The following ANK1 variants were observed in gnomAD, a reference collection of about 807,000 sequenced individuals.
ANK1 encodes the protein ankyrin 1.
Under a neutral mutation model 210.4 loss-of-function variants are expected in ANK1, and 51 were observed. That is an observed-to-expected ratio of 0.24 (90% confidence interval 0.19 to 0.31). The LOEUF (loss-of-function observed/expected upper bound fraction) is 0.31, where lower values mean the gene tolerates loss of function less well. ANK1 is among the 10% of genes least tolerant of loss of function. The pLI is 1.00. For synonymous variants in ANK1, 967 were observed against 1,025.9 expected, an observed-to-expected ratio of 0.94 and a Z score of 1.10; for missense variants, 2,051 against 2,504.4, an observed-to-expected ratio of 0.82 and a Z score of 3.86.
intron 1 of ANK1, among the ~76,000 whole-genome samples, chr8:41,758,960 G>A (rs11989912): frequency 0.31 from 46,492 of 151,350 alleles, 7,301 homozygotes; most frequent in South Asian, 0.38. Flanking sequence ...CGAACTCCTG[G>A]GCTCAAGCAA....
chr8:41,679,755 G>A (rs547716508), intron 37 of ANK1, among the ~76,000 whole-genome samples: 2 of 150,662 alleles, frequency 1.3e-5, no homozygotes, highest in Non-Finnish European at 1.5e-5. Flanking sequence ...TAGTAGAGAC[G>A]GGGTTTCACC....
rs1827393249 is a variant in ANK1, at chr8:41,715,569, A to T, written c.1602+83T>A. On this transcript the variant is annotated intron_variant, in intron 14 of 42. Coordinates refer to ENST00000289734, the MANE Select transcript of ANK1 (RefSeq NM_000037.4). ...CAGCATCATTGAGGTGACAAAGAGA[A>T]CCAGGCAGGAATTCCCCTCCGAGCT... is the stretch of plus-strand genomic sequence containing the variant. The T allele has an allele frequency of 4.6e-6, 7 of 1,533,400 alleles. No individual in the cohort carries two copies. The South Asian group carries it at 8.1e-5, about 18-fold the overall frequency. 95.0% of individuals were successfully genotyped at this position (1,533,400 alleles called of 1,614,324 possible).
intron 2 of ANK1, among the ~76,000 whole-genome samples, chr8:41,740,277 C>T (rs1273678345): frequency 1.3e-5 from 2 of 151,804 alleles, no homozygotes; most frequent in Admixed American, 1.3e-4. Context: ...TCACCTGCCT[C>T]AACCTCCCAA....
chr8:41,824,860 A>G (rs1406428176), intron 1 of ANK1, among the ~76,000 whole-genome samples: 1 of 152,136 alleles, frequency 6.6e-6, no homozygotes, highest in East Asian at 1.9e-4. Context: ...GGGGGTGTGG[A>G]GGGCTGGCTG....
chr8:41,688,164 C>G lies in ANK1; in HGVS notation c.4250G>C (p.Ser1417Thr), dbSNP rs905878249. ...CCCAATTCCCCACTCACCTGCCCAG[C>G]TGAGACCGAGGTGCTCTGAGATAAC... ...MAVISEHLGL[S>T]WAELARELQF... Residue 1417 changes from serine (S) to threonine (T), a missense_variant, in exon 35 of 43, where the codon AGC (serine) becomes ACC (threonine). Transcript: ENST00000289734. 5.0e-6 allele frequency: 8 copies of G among 1,614,138 alleles called. No homozygotes were observed. The African/African-American group carries it at 9.3e-5, about 19-fold the overall frequency.
At chr8:41,665,595 G>A (rs1005672291) in intron 39 of ANK1, 13 of 301,196 alleles carry the variant, frequency 4.3e-5, no homozygotes, top group Middle Eastern at 1.2e-3. Flanking sequence ...CTGCTACTGC[G>A]GTGATCCAAA....
At chr8:41,724,739 G>A (rs916633329) in intron 6 of ANK1, among the ~76,000 whole-genome samples, 185 bp from the exon 7 acceptor site, 3 of 152,176 alleles carry the variant, frequency 2.0e-5, no homozygotes, top group African/African-American at 7.2e-5. Context: ...TCAAAAGCTG[G>A]GGGTCTGCCC....
chr8:41,758,004 A>G lies in ANK1; in HGVS notation c.129+32T>C, dbSNP rs377299452. ...TGGCATCAGGCAAGAGCTACTCTTC[A>G]GAGACAACAGGCCTGCCTCCATCCC... On this transcript the variant is annotated intron_variant, in intron 2 of 42. Transcript: ENST00000289734. The G allele has an allele frequency of 2.0e-4, 313 of 1,578,710 alleles. 6 individuals are homozygous for G. The Admixed American group carries it at 5.2e-3, about 26-fold the overall frequency.
intron 1 of ANK1, among the ~76,000 whole-genome samples, chr8:41,771,845 A>C (rs1843024240): frequency 6.6e-6 from 1 of 152,190 alleles, no homozygotes; most frequent in Non-Finnish European, 1.5e-5. Context: ...GGCTGTTCTC[A>C]GTATAGACAG....
intron 1 of ANK1, among the ~76,000 whole-genome samples, chr8:41,841,734 G>A (rs773359127): frequency 3.0e-4 from 46 of 152,048 alleles, no homozygotes; most frequent in Admixed American, 1.2e-3. Flanking sequence ...CAATAAAACT[G>A]TAAAAAAGGA....
At chr8:41,811,112 C>T (rs1802419290) in intron 1 of ANK1, among the ~76,000 whole-genome samples, 1 of 152,158 alleles carries the variant, frequency 6.6e-6, no homozygotes, top group African/African-American at 2.4e-5. Flanking sequence ...TGGGGCAGTA[C>T]ACAATTTATA....
At chr8:41,746,918 A>T (rs1836328966) in intron 2 of ANK1, among the ~76,000 whole-genome samples, 1 of 151,512 alleles carries the variant, frequency 6.6e-6, no homozygotes, top group Admixed American at 6.6e-5. Context: ...CAGTGGGGTC[A>T]GGAGAAAGGA....
At chr8:41,697,211 T>A (rs1036808243) in intron 24 of ANK1, among the ~76,000 whole-genome samples, 5 of 152,200 alleles carry the variant, frequency 3.3e-5, no homozygotes, top group African/African-American at 1.2e-4. Flanking sequence ...CTACCTGCCC[T>A]GTGGACATTT....
chr8:41,700,451 G>A (rs752699186), intron 22 of ANK1: 3 of 1,613,630 alleles, frequency 1.9e-6, no homozygotes, highest in African/African-American at 2.7e-5. Flanking sequence ...TATATGAGCA[G>A]TTCCTGGAAA....
intron 1 of ANK1, among the ~76,000 whole-genome samples, chr8:41,760,125 T>G (rs1279850643): frequency 6.6e-6 from 1 of 152,282 alleles, no homozygotes; most frequent in African/African-American, 2.4e-5. Flanking sequence ...CCTTTAAAGA[T>G]GAGTGACAGC....
chr8:41,744,647 C>T (rs994205339), intron 2 of ANK1, among the ~76,000 whole-genome samples: 5 of 151,846 alleles, frequency 3.3e-5, no homozygotes, highest in African/African-American at 1.2e-4. Flanking sequence ...CACCATTCTC[C>T]TGCCTCAGCC....
intron 2 of ANK1, among the ~76,000 whole-genome samples, chr8:41,752,803 C>CCCCA (rs879899836): frequency 1.9e-4 from 29 of 151,776 alleles, no homozygotes; most frequent in South Asian, 1.3e-3. Context: ...CACAGGCCCC[C>CCCCA]CCCCACTGCA....
intron 1 of ANK1, among the ~76,000 whole-genome samples, chr8:41,786,211 C>G (rs570177890): frequency 6.8e-4 from 103 of 152,310 alleles, no homozygotes; most frequent in Non-Finnish European, 1.2e-3. Context: ...GAGGAGCTCG[C>G]GTCTTGCCAG....
At chr8:41,773,456 C>T (rs542956116) in intron 1 of ANK1, among the ~76,000 whole-genome samples, 1 of 152,286 alleles carries the variant, frequency 6.6e-6, no homozygotes, top group Admixed American at 6.5e-5. Context: ...TTCACACACA[C>T]AGGGGTTCCC....
Sources: gnomAD v4.1 joint callset for allele counts (sites outside exome capture counted in the v4.1 genomes callset) on GRCh38, gnomAD v4.1.1 for gene constraint, MANE v1.5 for transcripts, NCBI Gene and HGNC (gene_info 2026-07-23, HGNC 2026-07-21) for gene names.